SGCZ: variants seen among roughly 807,000 people sequenced by gnomAD.
SGCZ encodes the protein sarcoglycan zeta.
Under a neutral mutation model 41.3 loss-of-function variants are expected in SGCZ, and 40 were observed. That is an observed-to-expected ratio of 0.97 (90% CI 0.75 to 1.26). The LOEUF (loss-of-function observed/expected upper bound fraction) is 1.26, where lower values mean the gene tolerates loss of function less well. Ranked by LOEUF, SGCZ falls within the 50% of genes most tolerant of loss-of-function variation. The pLI, the probability that SGCZ is intolerant of heterozygous loss-of-function variation, is 0.00. For missense variants in SGCZ, 552 were observed against 369.8 expected, an observed-to-expected ratio of 1.49 and a Z score of -4.04; for synonymous variants, 206 against 137.5, an observed-to-expected ratio of 1.50 and a Z score of -3.49.
At chr8:15,050,155 G>A (rs1315937390) in intron 1 of SGCZ, among the ~76,000 whole-genome samples, 1 of 152,142 alleles carries the variant, frequency 6.6e-6, no homozygotes, top group Non-Finnish European at 1.5e-5. Flanking sequence ...GTGGGTAACA[G>A]AAAATGATAA....
At chr8:14,882,556 T>C (rs991063373) in intron 1 of SGCZ, among the ~76,000 whole-genome samples, 5 of 152,172 alleles carry the variant, frequency 3.3e-5, no homozygotes, top group Non-Finnish European at 7.3e-5. Flanking sequence ...AAATAAAAGA[T>C]GTTAGCCTGT....
chr8:14,977,880 TACACAC>T (rs10562709), intron 1 of SGCZ, among the ~76,000 whole-genome samples: 180 of 149,638 alleles, frequency 1.2e-3, no homozygotes, highest in East Asian at 5.3e-3. Context: ...AGAACAATTT[TACACAC>T]ACACACACAC....
chr8:14,237,361 C>T (rs1263480119), intron 4 of SGCZ, among the ~76,000 whole-genome samples: 1 of 151,974 alleles, frequency 6.6e-6, no homozygotes, highest in African/African-American at 2.4e-5. Flanking sequence ...AACATACTTC[C>T]ACTTTTCTCA....
chr8:14,706,283 T>G (rs942431310), intron 1 of SGCZ, among the ~76,000 whole-genome samples: 1 of 152,050 alleles, frequency 6.6e-6, no homozygotes, highest in African/African-American at 2.4e-5. Flanking sequence ...TTCACGCTCT[T>G]TAAACTAATC....
At chr8:14,185,608 A>G (rs1804878195) in intron 4 of SGCZ, among the ~76,000 whole-genome samples, 2 of 152,022 alleles carry the variant, frequency 1.3e-5, no homozygotes, top group Admixed American at 1.3e-4. Flanking sequence ...CTCTCATAGT[A>G]CTTTTGTGAA....
In SGCZ at chr8:14,164,562, G is replaced by A; in HGVS notation, c.547+18C>T. Reference sequence around the variant, plus strand: ...TTTAAAGAAGTAAACAATTTTTCAAGACCTCCATCTACAGTACCTGTAACT... The same window carrying A: ...TTTAAAGAAGTAAACAATTTTTCAAAACCTCCATCTACAGTACCTGTAACT... On this transcript the variant is annotated intron_variant, in intron 5 of 7. Coordinates refer to ENST00000382080, the MANE Select transcript of SGCZ (RefSeq NM_139167.4). 1 of 1,611,830 alleles carries A rather than the reference G, an allele frequency of 6.2e-7. No homozygotes were observed. Among genetic ancestry groups the A allele is most frequent in the Non-Finnish European group, 8.5e-7 (1 of 1,179,034 alleles).
chr8:14,598,016 T>C (rs2117303851), intron 1 of SGCZ, among the ~76,000 whole-genome samples: 1 of 152,324 alleles, frequency 6.6e-6, no homozygotes, highest in Non-Finnish European at 1.5e-5. Flanking sequence ...GAACCACTGA[T>C]GTTTTAGGAG....
intron 1 of SGCZ, among the ~76,000 whole-genome samples, chr8:14,591,531 C>CA (rs1232346486): frequency 6.6e-6 from 1 of 151,974 alleles, no homozygotes; most frequent in African/African-American, 2.4e-5. Context: ...ATAAAATATA[C>CA]ACAAAATAGT....
At position 14,871,828 on chromosome 8, in the gene SGCZ, A is replaced by G. The variant is rs60635409; in HGVS notation, c.40-316902T>C. ...AAAAATGTATAATATGTGTGTGTAT[A>G]TATATATATATGTATGTATATATAT... On this transcript the variant is annotated intron_variant, in intron 1 of 7. Transcript: ENST00000382080. 4.4e-3 allele frequency among the ~76,000 whole-genome samples: 667 copies of G among 151,128 alleles called. 4 individuals carry two copies. The highest frequency in any genetic ancestry group is 0.015 in the African/African-American group (633 of 41,158).
intron 1 of SGCZ, among the ~76,000 whole-genome samples, chr8:15,219,540 C>T (rs776455136): frequency 6.6e-6 from 1 of 152,030 alleles, no homozygotes; most frequent in Non-Finnish European, 1.5e-5. Context: ...GAATTTCATC[C>T]CAGACTATGA....
intron 3 of SGCZ, among the ~76,000 whole-genome samples, chr8:14,278,972 G>A (rs1191967495): frequency 3.9e-5 from 6 of 152,134 alleles, no homozygotes; most frequent in African/African-American, 1.2e-4. Flanking sequence ...ATAAATTTAT[G>A]TGTTAAAGAA....
At chr8:14,702,010 C>A (rs975397084) in intron 1 of SGCZ, among the ~76,000 whole-genome samples, 1 of 151,942 alleles carries the variant, frequency 6.6e-6, no homozygotes, top group Non-Finnish European at 1.5e-5. Context: ...CATTTTTACA[C>A]GCACTGGCAC....
At chr8:14,458,616 GAAAT>G (rs1026170269) in intron 2 of SGCZ, among the ~76,000 whole-genome samples, 14 of 152,046 alleles carry the variant, frequency 9.2e-5, no homozygotes, top group African/African-American at 3.4e-4. Context: ...CATAGATAAG[GAAAT>G]AAATAAAGCT....
At chr8:14,892,832 C>A (rs982121649) in intron 1 of SGCZ, among the ~76,000 whole-genome samples, 4 of 152,122 alleles carry the variant, frequency 2.6e-5, no homozygotes, top group African/African-American at 9.7e-5. Context: ...AAGGTTTGAA[C>A]TATATGATCT....
At chr8:14,960,109 A>T (rs1296644588) in intron 1 of SGCZ, among the ~76,000 whole-genome samples, 1 of 152,240 alleles carries the variant, frequency 6.6e-6, no homozygotes, top group Non-Finnish European at 1.5e-5. Context: ...AAATGAAAAC[A>T]TAATAAAAAG....
intron 3 of SGCZ, 112 bp from the exon 4 acceptor site, chr8:14,237,791 T>C (rs948637457): frequency 5.8e-6 from 5 of 866,332 alleles, no homozygotes; most frequent in South Asian, 3.6e-5. Flanking sequence ...GTTTGCTCTA[T>C]ATTAGACAGT....
chr8:14,575,820 C>T (rs1024825081), intron 1 of SGCZ, among the ~76,000 whole-genome samples: 5 of 149,626 alleles, frequency 3.3e-5, no homozygotes, highest in African/African-American at 4.9e-5. Flanking sequence ...GCAGGAGAAT[C>T]GCTTGAACCC....
At chr8:14,548,587 T>C (rs1585068915) in intron 2 of SGCZ, among the ~76,000 whole-genome samples, 1 of 152,118 alleles carries the variant, frequency 6.6e-6, no homozygotes, top group South Asian at 2.1e-4. Context: ...TAACAAAACA[T>C]ACACCCCTGA....
intron 1 of SGCZ, among the ~76,000 whole-genome samples, chr8:15,004,615 C>T (rs768833751): frequency 3.3e-5 from 5 of 152,150 alleles, no homozygotes; most frequent in African/African-American, 4.8e-5. Context: ...TACCGTTTCT[C>T]GCTATATAAA....
Sources: gnomAD v4.1 joint callset for allele counts (sites outside exome capture counted in the v4.1 genomes callset) on GRCh38, gnomAD v4.1.1 for gene constraint, MANE v1.5 for transcripts, NCBI Gene and HGNC (gene_info 2026-07-23, HGNC 2026-07-21) for gene names.